The following PANK3 variants were observed in gnomAD, a reference collection of about 807,000 sequenced individuals.
PANK3 encodes hPanK3.
Under a neutral mutation model 39.4 loss-of-function variants are expected in PANK3, and 20 were observed. The observed-to-expected ratio is 0.51, with a 90% CI of 0.36 to 0.74. The LOEUF (loss-of-function observed/expected upper bound fraction) is 0.74. Among genes scored for constraint, PANK3 ranks in the 30% least tolerant of loss-of-function variants. The pLI, the probability that PANK3 is intolerant of heterozygous loss-of-function variation, is 0.00. For synonymous variants in PANK3, 140 were observed against 157.3 expected (o/e 0.89, Z 0.82); for missense variants, 265 against 437.0 (o/e 0.61, Z 3.51).
At chr5:168,563,751 A>G in intron 4 of PANK3, 138 bp downstream of exon 4, 1 of 638,982 alleles carries the variant, frequency 1.6e-6, no homozygotes, top group Non-Finnish European at 2.4e-6. Flanking sequence ...TTTAAATGAC[A>G]TCAATGTTCA....
At chr5:168,569,949 C>G (rs1554125948) in intron 1 of PANK3, among the ~76,000 whole-genome samples, 1 of 152,100 alleles carries the variant, frequency 6.6e-6, no homozygotes, top group Non-Finnish European at 1.5e-5. Flanking sequence ...TTACAGGAGG[C>G]TGAGGCAGGA....
intron 1 of PANK3, among the ~76,000 whole-genome samples, chr5:168,570,396 A>AAAGAAAGAAAGAAAG (rs1759608956): frequency 6.6e-6 from 1 of 150,796 alleles, no homozygotes; most frequent in African/African-American, 2.4e-5. Context: ...AAAAAAAAAA[A>AAAGAAAGAAAGAAAG]AAAGAAAGAA....
chr5:168,568,724 A>C lies in PANK3; in HGVS notation c.303T>G (p.Asp101Glu), dbSNP rs751015298. ...DLPTFIQMGRDKNFSTLQTVL... is the reference protein window; with the variant it reads ...DLPTFIQMGREKNFSTLQTVL... ...CCGTCTGCAATGTTGAGAAGTTTTTATCTCTTCCCATTTGGATAAAAGTAG... is the reference window on the plus strand; with the variant it reads ...CCGTCTGCAATGTTGAGAAGTTTTTCTCTCTTCCCATTTGGATAAAAGTAG... The change falls in exon 2 of 7, where the codon GAT becomes GAG. Residue 101 changes from aspartate (D) to glutamate (E), a missense_variant. Around this residue, in one of 3 missense-constraint regions of PANK3, gnomAD observed 154 missense variants for 256.8 expected, o/e 0.60. Coordinates refer to ENST00000239231, the MANE Select transcript of PANK3 (RefSeq NM_024594.4). The C allele has an allele frequency of 1.7e-5, 28 of 1,614,040 alleles. No homozygotes were observed. The highest frequency in any genetic ancestry group is 2.4e-5 in the Non-Finnish European group (28 of 1,180,034).
Position 168,557,486 on chromosome 5 carries a change from C to T in PANK3, c.*85G>A. The T allele has an allele frequency of 8.1e-7, 1 of 1,229,184 alleles. No homozygotes were observed. Among genetic ancestry groups the T allele is most frequent in the Non-Finnish European group, 1.2e-6 (1 of 842,680 alleles). The allele number at this position is 1,229,184 out of a possible 1,614,324, so 76.1% of individuals were successfully genotyped here. On this transcript the variant is annotated 3_prime_UTR_variant, in exon 7 of 7. Transcript: ENST00000239231. ...ATGCTACTCTTTTATCCTTTGGTTC[C>T]CAGTGACAAACAATGCAGTAATAAT...
intron 1 of PANK3, among the ~76,000 whole-genome samples, chr5:168,574,652 G>A (rs1266777241): frequency 1.3e-5 from 2 of 152,048 alleles, no homozygotes; most frequent in South Asian, 2.1e-4. Context: ...ACCTGAGGTC[G>A]GGAGTTCGGA....
chr5:168,573,416 C>CAA lies in PANK3; in HGVS notation c.29-4420_29-4419dup, dbSNP rs574960925. ...CACGAGATGCAGAACCTCAGCAAGG[C>CAA]AAAAAAAAAAAAAAAAAAAAAAAAA... On this transcript the variant is annotated intron_variant, in intron 1 of 6. Coordinates refer to ENST00000239231, the MANE Select transcript of PANK3 (RefSeq NM_024594.4). Among the ~76,000 whole-genome samples the CAA allele has an allele frequency of 3.5e-4, 6 of 16,948 alleles. 1 individual carries two copies. The highest frequency in any genetic ancestry group is 1.1e-3 in the African/African-American group (4 of 3,688). 11.1% of individuals were successfully genotyped at this position (16,948 alleles called of 152,430 possible).
At chr5:168,560,868 C>T (rs777646880) in intron 5 of PANK3, 5 of 428,178 alleles carry the variant, frequency 1.2e-5, no homozygotes, top group South Asian at 5.6e-5. Context: ...ACAATAAACA[C>T]CACTCAAATA....
In PANK3 at chr5:168,569,008, G is replaced by GAAA. The variant is rs368234880; in HGVS notation, c.29-13_29-11dup. 1.5e-3 allele frequency: 137 copies of GAAA among 91,168 alleles called. No individual in the cohort carries two copies. The highest frequency in any genetic ancestry group is 1.8e-3 in the Non-Finnish European group (103 of 55,754). 5.6% of individuals were successfully genotyped at this position (91,168 alleles called of 1,614,324 possible). A position where few individuals can be genotyped will look rare whatever the true frequency, so the allele number is the denominator to read the frequency against. ...CCAAACCATGGGAAAGCTATGGGAG[G>GAAA]AAAAAAAAAAAAAAAAAAAAAAATA... On this transcript the variant is annotated splice_polypyrimidine_tract_variant and intron_variant, in intron 1 of 6. Coordinates refer to ENST00000239231, the MANE Select transcript of PANK3 (RefSeq NM_024594.4).
chr5:168,573,720 A>G lies in PANK3; in HGVS notation c.29-4722T>C, dbSNP rs1174393579. ...GTGTGATGTTCCCCTTCCTGTGTCC[A>G]TGTGTTCTCATTGTTCAATTCCCAC... On this transcript the variant is annotated intron_variant, in intron 1 of 6. Coordinates refer to ENST00000239231, the MANE Select transcript of PANK3 (RefSeq NM_024594.4). Among the ~76,000 whole-genome samples, 5 of 120,098 alleles carry G rather than the reference A, an allele frequency of 4.2e-5. No individual in the cohort carries two copies. In the Admixed American group the frequency reaches 5.7e-4, roughly 14 times the overall value. The allele number at this position is 120,098 out of a possible 152,430, so 78.8% of individuals were successfully genotyped here. A position where few individuals can be genotyped will look rare whatever the true frequency, so the allele number is the denominator to read the frequency against.
chr5:168,568,567 A>T, intron 2 of PANK3, 79 bp downstream of exon 2: 1 of 1,083,896 alleles, frequency 9.2e-7, no homozygotes, highest in Non-Finnish European at 1.3e-6. Context: ...AGGGAGAATT[A>T]AGGAACATGC....
intron 4 of PANK3, among the ~76,000 whole-genome samples, chr5:168,562,162 A>G (rs1009339733): frequency 3.3e-5 from 5 of 152,176 alleles, no homozygotes; most frequent in Admixed American, 2.6e-4. Flanking sequence ...AGGCCTACAT[A>G]CAAAAGACAG....
At chr5:168,568,481 T>G (rs1171808762) in intron 2 of PANK3, among the ~76,000 whole-genome samples, 165 bp downstream of exon 2, 2 of 152,182 alleles carry the variant, frequency 1.3e-5, no homozygotes, top group African/African-American at 4.8e-5. Flanking sequence ...CGGGCAATTT[T>G]TACTCATCTC....
In PANK3 at chr5:168,568,634, A is replaced by G; in HGVS notation, c.381+12T>C. On this transcript the variant is annotated intron_variant, in intron 2 of 6. Coordinates refer to ENST00000239231, the MANE Select transcript of PANK3 (RefSeq NM_024594.4). ...AGGTATCAATTTTCAGTTTTGAGTAAAAGATACCTACTGTGCGAAAATCTT... is the reference window on the plus strand; with the variant it reads ...AGGTATCAATTTTCAGTTTTGAGTAGAAGATACCTACTGTGCGAAAATCTT... The G allele has an allele frequency of 1.3e-6, 2 of 1,564,750 alleles. No individual in the cohort carries two copies. Among genetic ancestry groups the G allele is most frequent in the Non-Finnish European group, 1.7e-6 (2 of 1,148,598 alleles).
At position 168,553,702 on chromosome 5, in the gene PANK3, A is replaced by T. The variant is rs1759308159; in HGVS notation, c.*3869T>A. ...CATGGCCCTTATCTAATTCTTTTCA[A>T]ATATTCAAGAAGAGCTAGGAGTGGG... On this transcript the variant is annotated 3_prime_UTR_variant, in exon 7 of 7. Coordinates refer to ENST00000239231, the MANE Select transcript of PANK3 (RefSeq NM_024594.4). 1.3e-5 allele frequency: 2 copies of T among 156,720 alleles called. No individual in the cohort carries two copies. Among genetic ancestry groups the T allele is most frequent in the African/African-American group, 4.8e-5 (2 of 41,478 alleles). 9.7% of individuals were successfully genotyped at this position (156,720 alleles called of 1,614,324 possible). A position where few individuals can be genotyped will look rare whatever the true frequency, so the allele number is the denominator to read the frequency against.
chr5:168,548,913 C>T lies in PANK3; in HGVS notation c.*8658G>A, dbSNP rs1759233069. ...GAATTCAGACATGATAAAGCTTAGA[C>T]TTGACAAGAATGATGTAATAGAATG... On this transcript the variant is annotated 3_prime_UTR_variant, in exon 7 of 7. Transcript: ENST00000239231. The T allele has an allele frequency of 6.6e-6, 1 of 152,116 alleles. No homozygotes were observed. Among genetic ancestry groups the T allele is most frequent in the African/African-American group, 2.4e-5 (1 of 41,440 alleles). 9.4% of individuals were successfully genotyped at this position (152,116 alleles called of 1,614,324 possible).
chr5:168,568,795 G>A lies in PANK3; in HGVS notation c.232C>T (p.Arg78Ter), dbSNP rs754884394. 8 of 1,613,756 alleles carry A rather than the reference G, an allele frequency of 5.0e-6. No homozygotes were observed. Among genetic ancestry groups the A allele is most frequent in the East Asian group, 2.2e-5 (1 of 44,868 alleles). The part of the protein sequence containing the change: ...LELKDLTLFG[R>*]RGNLHFIRFP... ...CTGATAAAGTGCAAGTTCCCTCTTC[G>A]GCCAAAAAGTGTTAAATCTTTCAGT... is the stretch of plus-strand genomic sequence containing the variant. The change falls in exon 2 of 7, where the codon CGA (arginine) becomes TGA (stop). Residue 78 changes from arginine (R) to a stop codon, truncating the protein, a stop_gained. Coordinates refer to ENST00000239231, the MANE Select transcript of PANK3 (RefSeq NM_024594.4). LOFTEE classifies it high-confidence loss of function.
rs1759791875 is a variant in PANK3 at position 168,579,349 on chromosome 5, C to G, written c.-66G>C. On this transcript the variant is annotated 5_prime_UTR_variant, in exon 1 of 7. Coordinates refer to ENST00000239231, the MANE Select transcript of PANK3 (RefSeq NM_024594.4). ...GCACTGAGAGCAGAGGCGGCGACTC[C>G]GGAGGTGGCTGGGCCGCGCGGCGAG... The G allele has an allele frequency of 7.4e-6, 10 of 1,349,542 alleles. No individual in the cohort carries two copies. The highest frequency in any genetic ancestry group is 9.7e-6 in the Non-Finnish European group (10 of 1,032,870). The allele number at this position is 1,349,542 out of a possible 1,614,324, so 83.6% of individuals were successfully genotyped here.
Position 168,553,267 on chromosome 5 carries a change from C to T in PANK3, c.*4304G>A. On this transcript the variant is annotated 3_prime_UTR_variant, in exon 7 of 7. Coordinates refer to ENST00000239231, the MANE Select transcript of PANK3 (RefSeq NM_024594.4). ...CTGGTTGAGAGCACTAAAGGTACCC[C>T]AAAGGGGAGTAGGCGAGATCTCTCC... 1 of 526,690 alleles carries T rather than the reference C, an allele frequency of 1.9e-6. No individual in the cohort carries two copies. The highest frequency in any genetic ancestry group is 3.8e-6 in the Non-Finnish European group (1 of 262,044). The allele number at this position is 526,690 out of a possible 1,614,324, so 32.6% of individuals were successfully genotyped here. A position where few individuals can be genotyped will look rare whatever the true frequency, so the allele number is the denominator to read the frequency against.
chr5:168,558,316 T>A (rs942484224), intron 6 of PANK3, among the ~76,000 whole-genome samples: 1 of 151,744 alleles, frequency 6.6e-6, no homozygotes, highest in East Asian at 1.9e-4. Context: ...GCCCGCCACC[T>A]CGCCCGGCTA....
Sources: gnomAD v4.1 joint callset for allele counts (sites outside exome capture counted in the v4.1 genomes callset) on GRCh38, gnomAD v4.1.1 for gene constraint, gnomAD v4.1.1 regional missense constraint, MANE v1.5 for transcripts, NCBI Gene and HGNC (gene_info 2026-07-23, HGNC 2026-07-21) for gene names.